DEF8: variants seen among roughly 807,000 people sequenced by gnomAD.
DEF8 encodes DEF-8.
In DEF8, 38 loss-of-function variants were observed where a neutral mutation model predicts 59.1. The observed-to-expected ratio is 0.64, with a 90% CI of 0.50 to 0.84. The LOEUF (loss-of-function observed/expected upper bound fraction) is 0.84. Among genes scored for constraint, DEF8 ranks in the 40% least tolerant of loss-of-function variants. The pLI is 0.00. For synonymous variants in DEF8, 265 were observed against 250.1 expected (o/e 1.06, Z -0.56); for missense variants, 557 against 615.2 (o/e 0.91, Z 1.00).
chr16:89,963,488 G>C lies in DEF8; in HGVS notation c.1002+45G>C, dbSNP rs373086815. 3.2e-4 allele frequency: 496 copies of C among 1,560,726 alleles called. 3 individuals are homozygous for C. The Middle Eastern group carries it at 6.8e-3, about 21-fold the overall frequency. On this transcript the variant is annotated intron_variant, in intron 10 of 12. Coordinates refer to ENST00000563594, the MANE Select transcript of DEF8 (RefSeq NM_001242818.2). The stretch of plus-strand genomic sequence containing the variant: ...TGGCCCCCGATGGGAAGCGCAGCCA[G>C]GGTGGTGAGGCACCTCAGGCTCAGG...
intron 4 of DEF8, 137 bp from the exon 5 acceptor site, chr16:89,957,374 C>T (rs763939045): frequency 1.3e-5 from 12 of 954,524 alleles, no homozygotes; most frequent in South Asian, 1.8e-5. Context: ...AGCAAGTCCT[C>T]GGTGCCCTCT....
intron 12 of DEF8, among the ~76,000 whole-genome samples, chr16:89,965,058 T>G (rs2034490527): frequency 1.3e-5 from 2 of 152,214 alleles, no homozygotes; most frequent in African/African-American, 4.8e-5. Context: ...TGCTCTCGCG[T>G]TTTTTTTCCT....
chr16:89,962,125 C>T lies in DEF8; in HGVS notation c.921C>T (p.Arg307=), dbSNP rs757009689. Residue 307 remains arginine (R), a splice_region_variant and synonymous_variant, in exon 9 of 13, where the codon CGC becomes CGT. Transcript: ENST00000563594. The part of the protein sequence containing the change: ...FSYVEELVEI[R]KLRQDILLMK... ...ACGTGGAGGAGCTGGTGGAGATTCG[C>T]GTGAGGCTGGGGCCATGGAAGTGGG... 1.1e-5 allele frequency: 18 copies of T among 1,612,658 alleles called. No homozygotes were observed. The East Asian group carries it at 1.6e-4, about 14-fold the overall frequency.
intron 6 of DEF8, among the ~76,000 whole-genome samples, chr16:89,959,766 G>T: frequency 6.6e-6 from 1 of 152,238 alleles, no homozygotes; most frequent in East Asian, 1.9e-4. Flanking sequence ...CAAAGTGCTG[G>T]GATTACAGGC....
chr16:89,959,970 G>T (rs2033808762), intron 6 of DEF8, among the ~76,000 whole-genome samples: 1 of 152,006 alleles, frequency 6.6e-6, no homozygotes, highest in Non-Finnish European at 1.5e-5. Context: ...GTTCCGGTGG[G>T]GACAGTGCTG....
At chr16:89,950,144 G>A (rs1002973617) in intron 2 of DEF8, 3 of 987,264 alleles carry the variant, frequency 3.0e-6, no homozygotes, top group Admixed American at 6.1e-5. Context: ...CTTCCTTGAC[G>A]CTCCTCTGGC....
chr16:89,949,440 C>T lies in DEF8; in HGVS notation c.-84C>T. ...AGCAGGTGCCGAACCCACGGCCAGGCTTCCGTGGCCAGCAGCCCTAGAGGA... is the reference window on the plus strand; with the variant it reads ...AGCAGGTGCCGAACCCACGGCCAGGTTTCCGTGGCCAGCAGCCCTAGAGGA... On this transcript the variant is annotated 5_prime_UTR_variant, in exon 2 of 13. Transcript: ENST00000563594. 6.2e-7 allele frequency: 1 copy of T among 1,608,570 alleles called. No homozygotes were observed. The highest frequency in any genetic ancestry group is 8.5e-7 in the Non-Finnish European group (1 of 1,178,790).
At chr16:89,949,395 C>A (rs1285779659) in intron 1 of DEF8, 22 bp from the exon 2 acceptor site, 46 of 1,588,750 alleles carry the variant, frequency 2.9e-5, no homozygotes, top group Non-Finnish European at 3.8e-5. Flanking sequence ...AGGCACAGTG[C>A]TGGGGTGGCT....
chr16:89,955,875 A>G (rs1417984329), intron 4 of DEF8, among the ~76,000 whole-genome samples: 1 of 151,476 alleles, frequency 6.6e-6, no homozygotes, highest in African/African-American at 2.4e-5. Flanking sequence ...GATGGAGACC[A>G]TCCTGGCTAA....
At chr16:89,960,376 G>A (rs1005269911) in intron 6 of DEF8, among the ~76,000 whole-genome samples, 1 of 152,138 alleles carries the variant, frequency 6.6e-6, no homozygotes, top group Non-Finnish European at 1.5e-5. Flanking sequence ...GAGTGCGGTG[G>A]CTCACGCCTG....
At position 89,966,625 on chromosome 16, in the gene DEF8, A is replaced by G. The variant is rs2034619831; in HGVS notation, c.*662A>G. 1 of 152,658 alleles carries G rather than the reference A, an allele frequency of 6.6e-6. No individual in the cohort carries two copies. The highest frequency in any genetic ancestry group is 2.4e-5 in the African/African-American group (1 of 41,432). 9.5% of individuals were successfully genotyped at this position (152,658 alleles called of 1,614,324 possible). ...TACAGTGGGGTCACCTGTTGTTTCT[A>G]TACAACAGCAGGGAAGGGGCCATGG... On this transcript the variant is annotated 3_prime_UTR_variant, in exon 13 of 13. Transcript: ENST00000563594.
rs754019076 is a variant in DEF8 at position 89,954,018 on chromosome 16, G to C, written c.-10-225G>C. 6.6e-6 allele frequency among the ~76,000 whole-genome samples: 1 copy of C among 152,212 alleles called. No homozygotes were observed. Among genetic ancestry groups the C allele is most frequent in the Non-Finnish European group, 1.5e-5 (1 of 68,032 alleles). Reference sequence around the variant, plus strand: ...CCCTCGTGGGACCCTCATTGTCACCGTGAGCTCTTTCCAAGGGGACGCCAC... The same window carrying C: ...CCCTCGTGGGACCCTCATTGTCACCCTGAGCTCTTTCCAAGGGGACGCCAC... On this transcript the variant is annotated intron_variant, in intron 2 of 12. Transcript: ENST00000563594. The surrounding 1 kb of genome is among the most constrained non-coding windows in gnomAD (Gnocchi z 4.3).
rs185171479 is a variant in DEF8 at position 89,951,156 on chromosome 16, C to G, written c.-11+1643C>G. The stretch of plus-strand genomic sequence containing the variant: ...ATGGAGGCAGAGAAACGTTTATCCA[C>G]TTACCCAAGGTCACACAGCTAGGAG... On this transcript the variant is annotated intron_variant, in intron 2 of 12. Transcript: ENST00000563594. 8.5e-5 allele frequency among the ~76,000 whole-genome samples: 13 copies of G among 152,318 alleles called. No homozygotes were observed. In the East Asian group the frequency reaches 2.5e-3, roughly 29 times the overall value.
At chr16:89,964,408 T>C (rs989172079) in intron 11 of DEF8, 58 bp from the exon 12 acceptor site, 2 of 1,551,014 alleles carry the variant, frequency 1.3e-6, no homozygotes, top group Non-Finnish European at 1.7e-6. Flanking sequence ...GGCCTCAGAG[T>C]GCCCAGAGGA....
chr16:89,959,597 C>G lies in DEF8; in HGVS notation c.514+442C>G, dbSNP rs143798139. 2.0e-5 allele frequency among the ~76,000 whole-genome samples: 3 copies of G among 152,208 alleles called. No homozygotes were observed. In the South Asian group the frequency reaches 6.2e-4, roughly 31 times the overall value. ...GCAAGCTCCACCTCCCGGGTTCACA[C>G]CGTTCTCCTGCCTCAGCCTCCTGAG... On this transcript the variant is annotated intron_variant, in intron 6 of 12. Transcript: ENST00000563594.
chr16:89,963,628 C>A (rs1597527961), intron 10 of DEF8, among the ~76,000 whole-genome samples, 185 bp downstream of exon 10: 1 of 152,242 alleles, frequency 6.6e-6, no homozygotes, highest in African/African-American at 2.4e-5. Flanking sequence ...CAGTCAGTTC[C>A]GTTTGGCAAA....
chr16:89,955,376 C>A, intron 4 of DEF8, 110 bp downstream of exon 4: 1 of 881,116 alleles, frequency 1.1e-6, no homozygotes. Flanking sequence ...GTCCTGTGAG[C>A]TGGGGTACAG....
intron 6 of DEF8, among the ~76,000 whole-genome samples, chr16:89,960,092 G>A (rs1197243333): frequency 6.6e-6 from 1 of 152,234 alleles, no homozygotes; most frequent in Non-Finnish European, 1.5e-5. Flanking sequence ...AGAGAGCCAG[G>A]TGGGGCTGCA....
At position 89,967,576 on chromosome 16, in the gene DEF8, T is replaced by A; in HGVS notation, c.*1613T>A. ...TCAGAGAATGTGATGTGAGGTTGGA[T>A]CAACAGTGTGGGTTCCTGTCCTGTT... On this transcript the variant is annotated 3_prime_UTR_variant, in exon 13 of 13. Coordinates refer to ENST00000563594, the MANE Select transcript of DEF8 (RefSeq NM_001242818.2). 1 of 397,958 alleles carries A rather than the reference T, an allele frequency of 2.5e-6. No individual in the cohort carries two copies. The highest frequency in any genetic ancestry group is 4.4e-6 in the Non-Finnish European group (1 of 226,036). 24.7% of individuals were successfully genotyped at this position (397,958 alleles called of 1,614,324 possible).
Sources: gnomAD v4.1 joint callset for allele counts (sites outside exome capture counted in the v4.1 genomes callset) on GRCh38, gnomAD v4.1.1 for gene constraint, Gnocchi (gnomAD v3.1) non-coding constraint, MANE v1.5 for transcripts, NCBI Gene and HGNC (gene_info 2026-07-23, HGNC 2026-07-21) for gene names.